MED15: variants seen among roughly 807,000 people sequenced by gnomAD.
MED15 encodes mediator of RNA polymerase II transcription subunit 15.
Under a neutral mutation model 118.7 loss-of-function variants are expected in MED15, and 41 were observed. The observed-to-expected ratio is 0.35, with a 90% CI of 0.27 to 0.45. The LOEUF is 0.45. Ranked by LOEUF, MED15 falls within the 20% of genes least tolerant of loss-of-function variation. The probability of loss-of-function intolerance (pLI) is 1.00; values close to 1 mark genes in which losing one functional copy is unlikely to be tolerated. For missense variants in MED15, 740 were observed against 1,025.5 expected (o/e 0.72, Z 3.80); for synonymous variants, 436 against 413.9 (o/e 1.05, Z -0.65).
At chr22:20,517,997 G>A (rs2054312852) in intron 1 of MED15, among the ~76,000 whole-genome samples, 1 of 152,160 alleles carries the variant, frequency 6.6e-6, no homozygotes, top group Non-Finnish European at 1.5e-5. Flanking sequence ...TCAGGAGTGG[G>A]ATTTGTGAAA....
intron 1 of MED15, among the ~76,000 whole-genome samples, chr22:20,515,825 A>T (rs2054233008): frequency 6.6e-6 from 1 of 151,920 alleles, no homozygotes; most frequent in Non-Finnish European, 1.5e-5. Flanking sequence ...CAAGATAATA[A>T]AACCTCGTCT....
At chr22:20,546,555 G>C (rs952711105) in intron 2 of MED15, among the ~76,000 whole-genome samples, 1 of 147,962 alleles carries the variant, frequency 6.8e-6, no homozygotes, top group Non-Finnish European at 1.5e-5. Context: ...GTCAGCCAGG[G>C]CTAGATGATT....
At chr22:20,556,603 T>A (rs1471794084) in intron 5 of MED15, among the ~76,000 whole-genome samples, 1 of 152,124 alleles carries the variant, frequency 6.6e-6, no homozygotes, top group Admixed American at 6.6e-5. Context: ...CCCAGCCGAC[T>A]TCATCAGTTT....
In MED15 at chr22:20,586,757, C is replaced by G; in HGVS notation, c.*53C>G. The G allele has an allele frequency of 6.2e-7, 1 of 1,600,694 alleles. No individual in the cohort carries two copies. The highest frequency in any genetic ancestry group is 1.1e-5 in the South Asian group (1 of 90,646). On this transcript the variant is annotated 3_prime_UTR_variant, in exon 18 of 18. Coordinates refer to ENST00000263205, the MANE Select transcript of MED15 (RefSeq NM_001003891.3). Reference sequence around the variant, plus strand: ...TCATCGGGGCCAAGGACACACGCCTCCTGTCAGACACTTCTAGGTGTTGGC... The same window carrying G: ...TCATCGGGGCCAAGGACACACGCCTGCTGTCAGACACTTCTAGGTGTTGGC...
chr22:20,577,968 A>G (rs898345897), intron 9 of MED15, among the ~76,000 whole-genome samples: 16 of 152,118 alleles, frequency 1.1e-4, no homozygotes, highest in African/African-American at 3.1e-4. Context: ...CTTGTCCCCC[A>G]GGCAGGAGTG....
Position 20,582,657 on chromosome 22 carries a change from A to C in MED15, c.1319A>C (p.Gln440Pro), listed in dbSNP as rs1212611207. The C allele has an allele frequency of 5.0e-6, 8 of 1,591,936 alleles. No individual in the cohort carries two copies. Among genetic ancestry groups the C allele is most frequent in the Non-Finnish European group, 6.8e-6 (8 of 1,175,526 alleles). ...ATGCTGTCCTCGCCGTCACCGGGCC[A>C]GCAGGTGCAGACCCCGCAGTCGATG... is the stretch of plus-strand genomic sequence containing the variant. Reference protein sequence around the residue: ...LPMLSSPSPGQQVQTPQSMPP... With the variant: ...LPMLSSPSPGPQVQTPQSMPP... Residue 440 changes from glutamine to proline, a missense_variant, in exon 10 of 18, where the codon CAG becomes CCG. This residue lies in a region of MED15 where 384 missense variants were observed against 506.3 expected (regional missense o/e 0.76). Transcript: ENST00000263205.
At chr22:20,512,736 C>T (rs1412770295) in intron 1 of MED15, among the ~76,000 whole-genome samples, 5 of 151,260 alleles carry the variant, frequency 3.3e-5, no homozygotes, top group Non-Finnish European at 7.4e-5. Flanking sequence ...GGACTACAGG[C>T]GCCCGCCACC....
chr22:20,553,950 C>T (rs1023863943), intron 4 of MED15, among the ~76,000 whole-genome samples: 2 of 152,254 alleles, frequency 1.3e-5, no homozygotes, highest in African/African-American at 4.8e-5. Context: ...CAGCCTTGGT[C>T]TCTGCTGACT....
intron 17 of MED15, 90 bp downstream of exon 17, chr22:20,585,916 C>G (rs975578358): frequency 2.7e-5 from 33 of 1,217,160 alleles, no homozygotes; most frequent in Non-Finnish European, 3.6e-5. Context: ...GGGACAGCCT[C>G]TGTGTGCTCC....
chr22:20,508,253 A>G (rs2053940239), intron 1 of MED15: 1 of 1,291,740 alleles, frequency 7.7e-7, no homozygotes, highest in East Asian at 5.6e-5. Context: ...CCCCCGAAGG[A>G]ATGTGGACTT....
intron 5 of MED15, 70 bp from the exon 6 acceptor site, chr22:20,564,380 G>A: frequency 6.3e-7 from 1 of 1,584,240 alleles, no homozygotes; most frequent in Middle Eastern, 1.7e-4. Context: ...TTTGTCCCTT[G>A]CTGTGCAGCC....
chr22:20,571,275 A>C (rs141148750), intron 8 of MED15, among the ~76,000 whole-genome samples: 1 of 152,358 alleles, frequency 6.6e-6, no homozygotes, highest in East Asian at 1.9e-4. Context: ...TCCTTGGGCC[A>C]CTGGTCTTCC....
chr22:20,558,363 A>G (rs1366240021), intron 5 of MED15, among the ~76,000 whole-genome samples: 4 of 151,942 alleles, frequency 2.6e-5, no homozygotes, highest in Non-Finnish European at 2.9e-5. Flanking sequence ...GGGACTCTCA[A>G]AGGGTAGGCC....
chr22:20,581,543 G>C (rs948874147), intron 9 of MED15, among the ~76,000 whole-genome samples: 2 of 152,134 alleles, frequency 1.3e-5, no homozygotes, highest in Non-Finnish European at 2.9e-5. Flanking sequence ...GGGGATGCTT[G>C]GCATGCAGGG....
At chr22:20,523,147 A>G (rs1427571991) in intron 1 of MED15, 1 of 152,148 alleles carries the variant, frequency 6.6e-6, no homozygotes. Context: ...TTAAATATGT[A>G]AATATATATA....
At chr22:20,586,440 G>A in intron 17 of MED15, 128 bp from the exon 18 acceptor site, 1 of 1,390,398 alleles carries the variant, frequency 7.2e-7, no homozygotes, top group Non-Finnish European at 9.8e-7. Flanking sequence ...CGGGCAGCGT[G>A]CAGGACACAT....
chr22:20,565,026 G>A (rs1290443238), intron 6 of MED15, among the ~76,000 whole-genome samples: 1 of 152,244 alleles, frequency 6.6e-6, no homozygotes, highest in East Asian at 1.9e-4. Context: ...TTGAGAGGCT[G>A]AGGCAGGAGA....
chr22:20,574,928 C>G (rs537074342), intron 8 of MED15, 185 bp from the exon 9 acceptor site: 1 of 740,208 alleles, frequency 1.4e-6, no homozygotes, highest in Non-Finnish European at 2.3e-6. Flanking sequence ...AATGCCCAGA[C>G]AGACCTGGAG....
rs1346519178 is a variant in MED15 at position 20,577,500 on chromosome 22, G to A, written c.1272+2268G>A. Reference sequence around the variant, plus strand: ...TTAGATTAAGTCTGCCCTGAGTTATGCCAGCTAATAGGTCTCTCTCTCTCT... The same window carrying A: ...TTAGATTAAGTCTGCCCTGAGTTATACCAGCTAATAGGTCTCTCTCTCTCT... On this transcript the variant is annotated intron_variant, in intron 9 of 17. Coordinates refer to ENST00000263205, the MANE Select transcript of MED15 (RefSeq NM_001003891.3). Among the ~76,000 whole-genome samples, 5 of 148,026 alleles carry A rather than the reference G, an allele frequency of 3.4e-5. No homozygotes were observed. In the Admixed American group the frequency reaches 3.4e-4, roughly 10 times the overall value.
Sources: gnomAD v4.1 joint callset for allele counts (sites outside exome capture counted in the v4.1 genomes callset) on GRCh38, gnomAD v4.1.1 for gene constraint, gnomAD v4.1.1 regional missense constraint, MANE v1.5 for transcripts, NCBI Gene and HGNC (gene_info 2026-07-23, HGNC 2026-07-21) for gene names.